Variants in ATOSA observed in about 807,000 individuals in gnomAD.
ATOSA encodes the protein atos homolog A, also known as atos homolog protein A.
the ATOSA span, among the ~76,000 whole-genome samples, chr15:52,698,882 C>G: frequency 6.6e-6 from 1 of 152,008 alleles, no homozygotes; most frequent in African/African-American, 2.4e-5. Context: ...ACTCACTAAA[C>G]AAATAAATAA....
At chr15:52,609,542 T>C in the ATOSA span, 227 of 1,613,832 alleles carry the variant, frequency 1.4e-4, no homozygotes, top group African/African-American at 2.1e-3. Context: ...TCATTAGAAA[T>C]ACAAGTTTCA....
chr15:52,670,528 G>A, the ATOSA span, among the ~76,000 whole-genome samples: 1 of 152,154 alleles, frequency 6.6e-6, no homozygotes, highest in Non-Finnish European at 1.5e-5. Flanking sequence ...ATAGTACGCT[G>A]CTAAAAGGAA....
chr15:52,588,494 A>C, the ATOSA span, among the ~76,000 whole-genome samples: 34 of 152,320 alleles, frequency 2.2e-4, no homozygotes, highest in East Asian at 6.0e-3. Flanking sequence ...GCTGGAGTGC[A>C]GTGGCACAAT....
At chr15:52,689,304 C>G in the ATOSA span, among the ~76,000 whole-genome samples, 1 of 152,070 alleles carries the variant, frequency 6.6e-6, no homozygotes, top group Non-Finnish European at 1.5e-5. Flanking sequence ...TTGCAGTGTG[C>G]TATATACATG....
At chr15:52,665,703 C>T in the ATOSA span, among the ~76,000 whole-genome samples, 1 of 152,162 alleles carries the variant, frequency 6.6e-6, no homozygotes, top group Non-Finnish European at 1.5e-5. Context: ...CATTACAGTG[C>T]TGTTTATACT....
the ATOSA span, chr15:52,581,471 G>T: frequency 6.6e-6 from 1 of 152,130 alleles, no homozygotes; most frequent in Non-Finnish European, 1.5e-5. Context: ...GAACTGTTTT[G>T]GGGATAAGGA....
At chr15:52,644,125 T>C in the ATOSA span, among the ~76,000 whole-genome samples, 2 of 151,944 alleles carry the variant, frequency 1.3e-5, no homozygotes, top group African/African-American at 2.4e-5. Flanking sequence ...GGTCTTTCTA[T>C]GTTGCCAGGC....
At chr15:52,588,376 C>T in the ATOSA span, among the ~76,000 whole-genome samples, 1 of 152,072 alleles carries the variant, frequency 6.6e-6, no homozygotes, top group Non-Finnish European at 1.5e-5. Context: ...TTCTCAATAA[C>T]CAGGATGATC....
At chr15:52,699,017 T>C in the ATOSA span, among the ~76,000 whole-genome samples, 1 of 152,160 alleles carries the variant, frequency 6.6e-6, no homozygotes, top group South Asian at 2.1e-4. Flanking sequence ...AAGAAAGTTA[T>C]TACTGGACGA....
At chr15:52,591,342 T>G in the ATOSA span, among the ~76,000 whole-genome samples, 1 of 152,218 alleles carries the variant, frequency 6.6e-6, no homozygotes, top group Non-Finnish European at 1.5e-5. Context: ...GCGATTCTCC[T>G]GCCTTAGCCT....
chr15:52,608,758 T>C, the ATOSA span: 5 of 1,608,440 alleles, frequency 3.1e-6, no homozygotes, highest in Non-Finnish European at 4.2e-6. Context: ...GCTATTAAGT[T>C]GAGTATTTTG....
At chr15:52,629,362 A>G in the ATOSA span, among the ~76,000 whole-genome samples, 3 of 152,240 alleles carry the variant, frequency 2.0e-5, no homozygotes, top group Admixed American at 6.5e-5. Flanking sequence ...ATAATCACTC[A>G]AAGTCCATAG....
the ATOSA span, among the ~76,000 whole-genome samples, chr15:52,664,981 GA>G: frequency 6.6e-6 from 1 of 152,042 alleles, no homozygotes; most frequent in East Asian, 1.9e-4. Flanking sequence ...ATACCAGCTA[GA>G]AATTGTCCAA....
At chr15:52,654,572 C>CAG in the ATOSA span, among the ~76,000 whole-genome samples, 2 of 152,146 alleles carry the variant, frequency 1.3e-5, no homozygotes, top group Non-Finnish European at 2.9e-5. Context: ...CCTCCTTCCC[C>CAG]TGCTCCTCCG....
chr15:52,592,679 C>CA, the ATOSA span, among the ~76,000 whole-genome samples: 3 of 152,062 alleles, frequency 2.0e-5, no homozygotes, highest in South Asian at 2.1e-4. Flanking sequence ...AAAAATCACA[C>CA]AAAAAAATCT....
the ATOSA span, chr15:52,613,880 G>A: frequency 1.1e-5 from 18 of 1,602,360 alleles, no homozygotes; most frequent in Admixed American, 5.1e-5. Flanking sequence ...AGGGGCAAAG[G>A]GTCCTCAATT....
the ATOSA span, among the ~76,000 whole-genome samples, chr15:52,603,746 G>A: frequency 6.6e-6 from 1 of 152,188 alleles, no homozygotes; most frequent in Non-Finnish European, 1.5e-5. Context: ...AATATTCCAT[G>A]TTCTCACTCA....
At chr15:52,699,808 A>C in the ATOSA span, among the ~76,000 whole-genome samples, 20 of 152,270 alleles carry the variant, frequency 1.3e-4, no homozygotes, top group East Asian at 3.5e-3. Flanking sequence ...GCCTTACTGT[A>C]GCATTCGGAT....
the ATOSA span, among the ~76,000 whole-genome samples, chr15:52,638,569 T>G: frequency 6.6e-6 from 1 of 151,786 alleles, no homozygotes; most frequent in Non-Finnish European, 1.5e-5. Context: ...GGCATGGTGG[T>G]GAGCACCTGT....
Sources: allele counts gnomAD v4.1 joint callset (sites outside exome capture counted in the v4.1 genomes callset), GRCh38; gene constraint gnomAD v4.1.1; transcripts MANE v1.5; gene names NCBI Gene and HGNC (gene_info 2026-07-23, HGNC 2026-07-21).